PICALM: variants seen among roughly 807,000 people sequenced by gnomAD.
PICALM encodes phosphatidylinositol binding clathrin assembly protein.
A neutral mutation model predicts 80.5 loss-of-function variants in PICALM; 40 were observed. That is an observed-to-expected ratio of 0.50 (90% CI 0.39 to 0.65). PICALM has a LOEUF of 0.65. Among genes scored for constraint, PICALM ranks in the 30% least tolerant of loss-of-function variants. PICALM has a pLI of 0.00. For missense variants in PICALM, 676 were observed against 778.9 expected, an observed-to-expected ratio of 0.87 and a Z score of 1.57; for synonymous variants, 288 against 260.3, an observed-to-expected ratio of 1.11 and a Z score of -1.02.
At chr11:86,052,006 T>TTAGC (rs2096197446) in intron 1 of PICALM, among the ~76,000 whole-genome samples, 1 of 152,208 alleles carries the variant, frequency 6.6e-6, no homozygotes, top group African/African-American at 2.4e-5. Flanking sequence ...TCCTTAAAGG[T>TTAGC]TAGCTATTCT....
chr11:86,055,520 G>A (rs1267686070), intron 1 of PICALM, among the ~76,000 whole-genome samples: 1 of 151,920 alleles, frequency 6.6e-6, no homozygotes, highest in Non-Finnish European at 1.5e-5. Flanking sequence ...AATAATTCCA[G>A]TTATCCATCA....
chr11:85,961,760 G>T (rs921489997), intron 19 of PICALM, among the ~76,000 whole-genome samples: 1 of 152,308 alleles, frequency 6.6e-6, no homozygotes, highest in Non-Finnish European at 1.5e-5. Context: ...AGTAATAAAA[G>T]TTGACTAACT....
At chr11:86,066,365 T>C (rs945371555) in intron 1 of PICALM, among the ~76,000 whole-genome samples, 1 of 152,190 alleles carries the variant, frequency 6.6e-6, no homozygotes, top group Admixed American at 6.5e-5. Context: ...TAACGACACA[T>C]ATATTTTTAA....
intron 17 of PICALM, among the ~76,000 whole-genome samples, chr11:85,979,905 A>C (rs1365300862): frequency 6.6e-6 from 1 of 152,244 alleles, no homozygotes; most frequent in African/African-American, 2.4e-5. Context: ...TTGGTAAGAT[A>C]GAAACTGGCC....
intron 19 of PICALM, among the ~76,000 whole-genome samples, chr11:85,965,672 G>GT (rs1162888811): frequency 6.6e-6 from 1 of 152,090 alleles, no homozygotes; most frequent in Non-Finnish European, 1.5e-5. Flanking sequence ...TGTCCTTTGG[G>GT]TTAAGTCTAG....
chr11:86,059,270 C>T lies in PICALM; in HGVS notation c.130+9381G>A, dbSNP rs1398341841. Among the ~76,000 whole-genome samples the T allele has an allele frequency of 3.3e-5, 5 of 152,266 alleles. No homozygotes were observed. The South Asian group carries it at 8.3e-4, about 25-fold the overall frequency. ...CTGAGCACCCATGGGGGGTTGCTGACTAGGTACTTGGAGAAGAGATAGAGA... is the reference window on the plus strand; with the variant it reads ...CTGAGCACCCATGGGGGGTTGCTGATTAGGTACTTGGAGAAGAGATAGAGA... On this transcript the variant is annotated intron_variant, in intron 1 of 19. Coordinates refer to ENST00000393346, the MANE Select transcript of PICALM (RefSeq NM_007166.4).
chr11:86,046,542 G>C (rs1303772881), intron 1 of PICALM, among the ~76,000 whole-genome samples: 1 of 152,052 alleles, frequency 6.6e-6, no homozygotes, highest in Non-Finnish European at 1.5e-5. Context: ...CATTTTAGGA[G>C]ACAACTCCTC....
At chr11:86,006,077 G>GT (rs2095270024) in intron 8 of PICALM, among the ~76,000 whole-genome samples, 2 of 152,160 alleles carry the variant, frequency 1.3e-5, no homozygotes, top group Non-Finnish European at 2.9e-5. Context: ...CATAAGGGAA[G>GT]CATAACAAAT....
At chr11:86,056,134 TTAAA>T (rs1365247410) in intron 1 of PICALM, among the ~76,000 whole-genome samples, 5 of 76,820 alleles carry the variant, frequency 6.5e-5, no homozygotes, top group African/African-American at 9.8e-5. Flanking sequence ...GACTCTGTCT[TTAAA>T]AAAAAAAAAA....
At chr11:86,054,253 CCTGT>C (rs2096236836) in intron 1 of PICALM, among the ~76,000 whole-genome samples, 1 of 152,172 alleles carries the variant, frequency 6.6e-6, no homozygotes, top group Non-Finnish European at 1.5e-5. Flanking sequence ...TTCCTTCTTT[CCTGT>C]CTTTCTCAAC....
chr11:85,984,036 A>C, intron 13 of PICALM, 63 bp from the exon 14 acceptor site: 3 of 732,414 alleles, frequency 4.1e-6, no homozygotes. Flanking sequence ...CGACTATTTA[A>C]TAATGATGAC....
chr11:85,963,198 CA>C (rs1178150299), intron 19 of PICALM, among the ~76,000 whole-genome samples: 1 of 151,942 alleles, frequency 6.6e-6, no homozygotes, highest in Non-Finnish European at 1.5e-5. Context: ...AACCAGCAAC[CA>C]AAAGCTGTTG....
At chr11:85,989,866 A>G (rs2094706354) in intron 13 of PICALM, among the ~76,000 whole-genome samples, 1 of 152,144 alleles carries the variant, frequency 6.6e-6, no homozygotes, top group Non-Finnish European at 1.5e-5. Context: ...TCCCAAGCAC[A>G]AAGAGAAAAA....
rs1247403980 is a variant in PICALM, at chr11:86,037,244, CA to C, written c.131-5634del. ...ACAGGCATGAGCCACCACACCCAGC[CA>C]AAAAAAAAAGAAAATTTTTTTTTTT... On this transcript the variant is annotated intron_variant, in intron 1 of 19. Coordinates refer to ENST00000393346, the MANE Select transcript of PICALM (RefSeq NM_007166.4). 1.7e-4 allele frequency among the ~76,000 whole-genome samples: 14 copies of C among 83,392 alleles called. 1 individual carries two copies. The highest frequency in any genetic ancestry group is 2.6e-4 in the Non-Finnish European group (11 of 41,752). 54.7% of individuals were successfully genotyped at this position (83,392 alleles called of 152,430 possible).
At chr11:85,964,546 T>C (rs1430261367) in intron 19 of PICALM, among the ~76,000 whole-genome samples, 1 of 152,220 alleles carries the variant, frequency 6.6e-6, no homozygotes, top group Admixed American at 6.5e-5. Context: ...GCATGCTGCC[T>C]GGCATATATT....
intron 19 of PICALM, among the ~76,000 whole-genome samples, chr11:85,967,842 G>T (rs2093954827): frequency 6.6e-6 from 1 of 152,198 alleles, no homozygotes; most frequent in South Asian, 2.1e-4. Context: ...AAAGGCAACA[G>T]TGTTCCCATT....
intron 1 of PICALM, among the ~76,000 whole-genome samples, chr11:86,052,199 G>C (rs1438939715): frequency 6.6e-6 from 1 of 152,168 alleles, no homozygotes; most frequent in African/African-American, 2.4e-5. Context: ...CATGAGATCT[G>C]ATGGTTTTAT....
At chr11:86,000,544 A>G (rs1483550573) in intron 11 of PICALM, 99 bp downstream of exon 11, 2 of 884,900 alleles carry the variant, frequency 2.3e-6, no homozygotes, top group Middle Eastern at 3.6e-4. Flanking sequence ...AATAGATTAT[A>G]AAAGCATAAA....
At chr11:86,044,188 T>C (rs1009352126) in intron 1 of PICALM, among the ~76,000 whole-genome samples, 1 of 152,178 alleles carries the variant, frequency 6.6e-6, no homozygotes, top group African/African-American at 2.4e-5. Flanking sequence ...TGCTAAAAAT[T>C]TCTTAGCTCT....
Sources: gnomAD v4.1 joint callset for allele counts (sites outside exome capture counted in the v4.1 genomes callset) on GRCh38, gnomAD v4.1.1 for gene constraint, MANE v1.5 for transcripts, NCBI Gene and HGNC (gene_info 2026-07-23, HGNC 2026-07-21) for gene names.